DACH1: variants seen among roughly 807,000 people sequenced by gnomAD.
The protein encoded by DACH1 is dachshund homolog 1.
A neutral mutation model predicts 54.2 loss-of-function variants in DACH1; 12 were observed. That is an observed-to-expected ratio of 0.22 (90% CI 0.14 to 0.36). The LOEUF (loss-of-function observed/expected upper bound fraction) is 0.36. Among genes scored for constraint, DACH1 ranks in the 10% least tolerant of loss-of-function variants. The pLI, the probability that DACH1 is intolerant of heterozygous loss-of-function variation, is 1.00. For synonymous variants in DACH1, 386 were observed against 366.2 expected (o/e 1.05, Z -0.62); for missense variants, 805 against 929.8 (o/e 0.87, Z 1.75).
chr13:71,799,060 C>T (rs1029341055), intron 1 of DACH1, among the ~76,000 whole-genome samples: 9 of 151,996 alleles, frequency 5.9e-5, no homozygotes, highest in Non-Finnish European at 4.4e-5. Flanking sequence ...GCTAAAGTTT[C>T]CCCCCTTCCT....
At chr13:71,540,103 A>G (rs1460653733) in intron 6 of DACH1, among the ~76,000 whole-genome samples, 2 of 151,926 alleles carry the variant, frequency 1.3e-5, no homozygotes, top group Non-Finnish European at 2.9e-5. Context: ...ATATAAATTC[A>G]CTAGATAATA....
At chr13:71,560,898 G>A (rs946898826) in intron 4 of DACH1, among the ~76,000 whole-genome samples, 1 of 152,032 alleles carries the variant, frequency 6.6e-6, no homozygotes, top group African/African-American at 2.4e-5. Context: ...TAAAAGTGTG[G>A]AAGAAAACTA....
At chr13:71,634,648 G>T (rs1877338898) in intron 2 of DACH1, among the ~76,000 whole-genome samples, 1 of 152,078 alleles carries the variant, frequency 6.6e-6, no homozygotes, top group Non-Finnish European at 1.5e-5. Context: ...AACATCTCAA[G>T]AATTAGCTCA....
At chr13:71,750,748 CACTGCTT>C (rs1164045643) in intron 1 of DACH1, among the ~76,000 whole-genome samples, 5 of 152,052 alleles carry the variant, frequency 3.3e-5, no homozygotes, top group Non-Finnish European at 5.9e-5. Context: ...AATATTTCTA[CACTGCTT>C]ACTTTTAATG....
intron 1 of DACH1, among the ~76,000 whole-genome samples, chr13:71,846,694 G>T (rs997008678): frequency 6.6e-5 from 10 of 152,106 alleles, no homozygotes; most frequent in Admixed American, 6.6e-5. Flanking sequence ...AATATAATAG[G>T]AAATAAAATT....
intron 1 of DACH1, among the ~76,000 whole-genome samples, chr13:71,796,232 C>G (rs1357019398): frequency 1.3e-5 from 2 of 151,806 alleles, no homozygotes; most frequent in Non-Finnish European, 2.9e-5. Context: ...TCTTTTTGTA[C>G]CAGAATATCA....
chr13:71,482,124 C>A lies in DACH1; in HGVS notation c.1723-2808G>T, dbSNP rs190912045. Among the ~76,000 whole-genome samples, 10 of 152,196 alleles carry A rather than the reference C, an allele frequency of 6.6e-5. No individual in the cohort carries two copies. The East Asian group carries it at 1.9e-3, about 29-fold the overall frequency. ...GGTGAGAGACAATAGTTGATTGACC[C>A]CAAATTTTTTTTCTGAGTGAGACAT... On this transcript the variant is annotated intron_variant, in intron 7 of 10. Coordinates refer to ENST00000613252, the MANE Select transcript of DACH1 (RefSeq NM_080759.6).
intron 3 of DACH1, among the ~76,000 whole-genome samples, chr13:71,603,131 C>T (rs554729707): frequency 6.6e-6 from 1 of 151,990 alleles, no homozygotes; most frequent in African/African-American, 2.4e-5. Context: ...CAGAATGTAA[C>T]GGTCACCACA....
At chr13:71,779,167 GTA>G (rs199585466) in intron 1 of DACH1, among the ~76,000 whole-genome samples, 12,354 of 79,882 alleles carry the variant, frequency 0.15, 1,465 homozygotes, top group African/African-American at 0.41. Flanking sequence ...ACGTATATAC[GTA>G]TATATATACA....
intron 2 of DACH1, among the ~76,000 whole-genome samples, chr13:71,641,887 T>C (rs1276484104): frequency 6.6e-6 from 1 of 152,184 alleles, no homozygotes; most frequent in Non-Finnish European, 1.5e-5. Context: ...GTTTGATTAT[T>C]ATATTCAACC....
chr13:71,726,527 T>G (rs1249990541), intron 1 of DACH1, among the ~76,000 whole-genome samples: 2 of 152,088 alleles, frequency 1.3e-5, no homozygotes, highest in African/African-American at 2.4e-5. Flanking sequence ...GTGATTTTTT[T>G]GTCATCCAAT....
chr13:71,804,195 TGTA>T (rs370886982), intron 1 of DACH1, among the ~76,000 whole-genome samples: 158 of 152,122 alleles, frequency 1.0e-3, no homozygotes, highest in African/African-American at 3.7e-3. Flanking sequence ...GGCATGCACT[TGTA>T]GGTACTTGGG....
At chr13:71,693,106 G>C (rs1459198247) in intron 1 of DACH1, among the ~76,000 whole-genome samples, 1 of 151,806 alleles carries the variant, frequency 6.6e-6, no homozygotes, top group Non-Finnish European at 1.5e-5. Context: ...ATTTTGTAAA[G>C]AAATTATAGC....
At chr13:71,782,450 T>C (rs1340168656) in intron 1 of DACH1, among the ~76,000 whole-genome samples, 2 of 151,644 alleles carry the variant, frequency 1.3e-5, no homozygotes, top group African/African-American at 4.8e-5. Context: ...AATAAATAAA[T>C]AAATAAACAA....
intron 1 of DACH1, among the ~76,000 whole-genome samples, chr13:71,724,991 A>T (rs561474225): frequency 2.5e-4 from 38 of 152,290 alleles, no homozygotes; most frequent in Non-Finnish European, 4.3e-4. Context: ...TTGCAAGTGC[A>T]AAACATCAAA....
chr13:71,773,654 C>T (rs927008905), intron 1 of DACH1, among the ~76,000 whole-genome samples: 3 of 151,886 alleles, frequency 2.0e-5, no homozygotes, highest in Middle Eastern at 3.2e-3. Flanking sequence ...CTATATGTTT[C>T]GACAATAAAA....
At chr13:71,490,811 A>C (rs1449452610) in intron 6 of DACH1, among the ~76,000 whole-genome samples, 1 of 152,208 alleles carries the variant, frequency 6.6e-6, no homozygotes, top group Non-Finnish European at 1.5e-5. Flanking sequence ...GAAATTGTTT[A>C]AGAATGGAGA....
At chr13:71,575,752 A>T (rs1479608723) in intron 3 of DACH1, among the ~76,000 whole-genome samples, 1 of 152,044 alleles carries the variant, frequency 6.6e-6, no homozygotes, top group Non-Finnish European at 1.5e-5. Context: ...AGATTTTCTC[A>T]CTACATAGAA....
intron 1 of DACH1, among the ~76,000 whole-genome samples, chr13:71,804,413 G>A (rs940408508): frequency 1.3e-5 from 2 of 152,078 alleles, no homozygotes; most frequent in Non-Finnish European, 1.5e-5. Flanking sequence ...TTACCACTGC[G>A]ACCAGTGTGA....
Sources: allele counts gnomAD v4.1 joint callset (sites outside exome capture counted in the v4.1 genomes callset), GRCh38; gene constraint gnomAD v4.1.1; transcripts MANE v1.5; gene names NCBI Gene and HGNC (gene_info 2026-07-23, HGNC 2026-07-21).